ASPH: variants seen among roughly 807,000 people sequenced by gnomAD.
ASPH encodes the protein aspartate beta-hydroxylase, also known as aspartyl/asparaginyl beta-hydroxylase.
A neutral mutation model predicts 118.4 loss-of-function variants in ASPH; 100 were observed. The observed-to-expected ratio is 0.84, with a 90% CI of 0.72 to 1.00. The LOEUF is 1.00. Ranked by LOEUF, ASPH falls within the 50% of genes least tolerant of loss-of-function variation. The pLI, the probability that ASPH is intolerant of heterozygous loss-of-function variation, is 0.00. For missense variants in ASPH, 920 were observed against 919.5 expected, an observed-to-expected ratio of 1.00 and a Z score of -0.01; for synonymous variants, 315 against 325.6, an observed-to-expected ratio of 0.97 and a Z score of 0.35.
At chr8:61,675,431 T>C in intron 3 of ASPH, 4 of 984,474 alleles carry the variant, frequency 4.1e-6, no homozygotes, top group Non-Finnish European at 3.6e-6. Context: ...CATGCTACTA[T>C]CTGAAAACAG....
At chr8:61,663,085 AC>A (rs1417502157) in intron 3 of ASPH, 8 of 985,328 alleles carry the variant, frequency 8.1e-6, no homozygotes, top group African/African-American at 1.7e-5. Context: ...TTTTAAAAAA[AC>A]ATTCCATTTA....
chr8:61,676,136 G>A (rs868808445), intron 3 of ASPH: 10 of 1,599,382 alleles, frequency 6.3e-6, no homozygotes, highest in Admixed American at 3.3e-5. Flanking sequence ...ATTCTGTGAC[G>A]TACCATCAAC....
chr8:61,618,983 G>A lies in ASPH; in HGVS notation c.971C>T (p.Ala324Val), dbSNP rs559324203. 1.8e-5 allele frequency: 29 copies of A among 1,603,228 alleles called. No homozygotes were observed. The highest frequency in any genetic ancestry group is 6.6e-5 in the South Asian group (6 of 90,344). Reference protein sequence around the residue: ...NRKTDDPEQKAKVKKKKPKLL... With the variant: ...NRKTDDPEQKVKVKKKKPKLL... The stretch of plus-strand genomic sequence containing the variant: ...TGTTTATTTGACAATCTCACCTTTT[G>A]CTTTTTGTTCTGGATCATCTGTTTT... Residue 324 changes from alanine (A) to valine (V), a missense_variant, in exon 14 of 25, where the codon GCA becomes GTA. Ala to Val is a moderately conservative substitution (Grantham distance 64). Transcript: ENST00000379454.
chr8:61,577,255 A>G (rs559038996), intron 15 of ASPH, among the ~76,000 whole-genome samples: 1 of 151,918 alleles, frequency 6.6e-6, no homozygotes, highest in Non-Finnish European at 1.5e-5. Context: ...CACCACATCA[A>G]CATGGCACAT....
At chr8:61,597,926 A>AAC (rs1842911360) in intron 14 of ASPH, among the ~76,000 whole-genome samples, 1 of 152,226 alleles carries the variant, frequency 6.6e-6, no homozygotes, top group African/African-American at 2.4e-5. Flanking sequence ...CCACCATGAA[A>AAC]ACACACCAAA....
chr8:61,595,652 C>T (rs1842314088), intron 14 of ASPH, among the ~76,000 whole-genome samples: 2 of 152,144 alleles, frequency 1.3e-5, no homozygotes, highest in South Asian at 4.1e-4. Flanking sequence ...GATCACATTC[C>T]TCAAACCAGT....
chr8:61,682,281 G>C lies in ASPH; in HGVS notation c.254-1245C>G, dbSNP rs1286042832. 3.9e-5 allele frequency among the ~76,000 whole-genome samples: 6 copies of C among 151,978 alleles called. No homozygotes were observed. The South Asian group carries it at 1.2e-3, about 32-fold the overall frequency. ...TGCAGAGTACAGAATTCAAGAAACA[G>C]TAAAAGATAGAAAATACTACCCTTT... On this transcript the variant is annotated intron_variant, in intron 2 of 24. Transcript: ENST00000379454.
intron 14 of ASPH, among the ~76,000 whole-genome samples, chr8:61,617,267 G>A (rs1849365891): frequency 6.6e-6 from 1 of 152,146 alleles, no homozygotes; most frequent in Non-Finnish European, 1.5e-5. Context: ...AAGGAGATGA[G>A]AAACATCCAT....
intron 1 of ASPH, among the ~76,000 whole-genome samples, chr8:61,691,507 C>T (rs917403701): frequency 1.3e-5 from 2 of 152,182 alleles, no homozygotes; most frequent in Non-Finnish European, 2.9e-5. Flanking sequence ...CATTTCGTCA[C>T]CATACAAATT....
Position 61,692,693 on chromosome 8 carries a change from C to T in ASPH, c.104-8505G>A, listed in dbSNP as rs187176875. Among the ~76,000 whole-genome samples the T allele has an allele frequency of 5.6e-4, 86 of 152,246 alleles. 1 individual carries two copies. The highest frequency in any genetic ancestry group is 1.2e-4 in the Non-Finnish European group (8 of 68,026). ...TCATTACAGCAATGGTTCTCAAACT[C>T]TGAGCACGTCAGAGTCAAACAGGGC... On this transcript the variant is annotated intron_variant, in intron 1 of 24. Coordinates refer to ENST00000379454, the MANE Select transcript of ASPH (RefSeq NM_004318.4).
At chr8:61,579,059 C>G (rs1420632481) in intron 15 of ASPH, 1 of 1,610,780 alleles carries the variant, frequency 6.2e-7, no homozygotes, top group Non-Finnish European at 8.5e-7. Flanking sequence ...AGGCTGAGAG[C>G]ATGTACCAGA....
chr8:61,679,063 G>A (rs1490341627), intron 3 of ASPH, among the ~76,000 whole-genome samples: 3 of 152,062 alleles, frequency 2.0e-5, no homozygotes, highest in African/African-American at 4.8e-5. Context: ...TCAAGTTAAG[G>A]TTGCATTTCA....
Position 61,618,969 on chromosome 8 carries a change from C to G in ASPH, c.976+9G>C. 6.3e-7 allele frequency: 1 copy of G among 1,598,078 alleles called. No individual in the cohort carries two copies. Among genetic ancestry groups the G allele is most frequent in the Non-Finnish European group, 8.6e-7 (1 of 1,167,486 alleles). On this transcript the variant is annotated intron_variant, in intron 14 of 24. Coordinates refer to ENST00000379454, the MANE Select transcript of ASPH (RefSeq NM_004318.4). ...TATATTTTAAAGGCTGTTTATTTGA[C>G]AATCTCACCTTTTGCTTTTTGTTCT...
At chr8:61,682,203 G>A (rs536649648) in intron 2 of ASPH, among the ~76,000 whole-genome samples, 58 of 152,060 alleles carry the variant, frequency 3.8e-4, no homozygotes, top group Admixed American at 5.9e-4. Context: ...TGAAAGAAGA[G>A]ATAAGGATGT....
At chr8:61,528,142 C>A (rs1378638534) in intron 21 of ASPH, among the ~76,000 whole-genome samples, 1 of 152,122 alleles carries the variant, frequency 6.6e-6, no homozygotes, top group African/African-American at 2.4e-5. Context: ...TCTGTTCCAC[C>A]AACTAGGTTC....
chr8:61,537,561 T>C (rs1323539114), intron 21 of ASPH, among the ~76,000 whole-genome samples: 3 of 152,052 alleles, frequency 2.0e-5, no homozygotes, highest in African/African-American at 7.2e-5. Context: ...TATTATTTTG[T>C]AGCAACAGGT....
At chr8:61,680,230 CTT>C (rs1161482111) in intron 3 of ASPH, among the ~76,000 whole-genome samples, 1 of 151,644 alleles carries the variant, frequency 6.6e-6, no homozygotes, top group African/African-American at 2.4e-5. Flanking sequence ...TCTAAAGACT[CTT>C]ATATAAAAAG....
At chr8:61,620,038 T>A (rs1227030042) in intron 13 of ASPH, among the ~76,000 whole-genome samples, 10 of 152,210 alleles carry the variant, frequency 6.6e-5, no homozygotes, top group African/African-American at 1.9e-4. Context: ...CCACATTCAT[T>A]CATATAAAAC....
At chr8:61,513,184 G>T (rs1442464195) in intron 24 of ASPH, among the ~76,000 whole-genome samples, 1 of 152,174 alleles carries the variant, frequency 6.6e-6, no homozygotes, top group Non-Finnish European at 1.5e-5. Context: ...CTGAAAAATT[G>T]CTGCCTTTGG....
Sources: gnomAD v4.1 joint callset for allele counts (sites outside exome capture counted in the v4.1 genomes callset) on GRCh38, gnomAD v4.1.1 for gene constraint, MANE v1.5 for transcripts, NCBI Gene and HGNC (gene_info 2026-07-23, HGNC 2026-07-21) for gene names.